Variants in SPOCK1 observed in about 807,000 individuals in gnomAD.
The protein encoded by SPOCK1 is testican-1.
In SPOCK1, 23 loss-of-function variants were observed where a neutral mutation model predicts 55.3. That is an observed-to-expected ratio of 0.42 (90% CI 0.30 to 0.59). The LOEUF (loss-of-function observed/expected upper bound fraction) is 0.59. Ranked by LOEUF, SPOCK1 falls within the 20% of genes least tolerant of loss-of-function variation. The pLI, the probability that SPOCK1 is intolerant of heterozygous loss-of-function variation, is 0.22. For synonymous variants in SPOCK1, 226 were observed against 221.0 expected (o/e 1.02, Z -0.20); for missense variants, 499 against 552.5 (o/e 0.90, Z 0.97).
chr5:137,380,048 T>C (rs1177891710), intron 2 of SPOCK1, among the ~76,000 whole-genome samples: 3 of 152,186 alleles, frequency 2.0e-5, no homozygotes, highest in Admixed American at 6.5e-5. Context: ...CCCTCTAAGA[T>C]ATTCATACAG....
intron 3 of SPOCK1, among the ~76,000 whole-genome samples, chr5:137,258,958 T>A (rs999272497): frequency 2.0e-5 from 3 of 152,168 alleles, no homozygotes; most frequent in South Asian, 2.1e-4. Flanking sequence ...GAACACAAAC[T>A]CATAGCCGAC....
At chr5:137,135,919 T>C (rs1753975121) in intron 4 of SPOCK1, among the ~76,000 whole-genome samples, 1 of 152,254 alleles carries the variant, frequency 6.6e-6, no homozygotes, top group Admixed American at 6.5e-5. Context: ...TTCACAGTTT[T>C]TATCCATCAC....
chr5:137,030,368 G>C (rs1346903048), intron 6 of SPOCK1, among the ~76,000 whole-genome samples: 1 of 152,244 alleles, frequency 6.6e-6, no homozygotes, highest in Admixed American at 6.5e-5. Context: ...TGAACCATTA[G>C]TGACTACGCC....
intron 2 of SPOCK1, among the ~76,000 whole-genome samples, chr5:137,487,349 A>AAC (rs1457251755): frequency 6.6e-6 from 1 of 151,722 alleles, no homozygotes; most frequent in African/African-American, 2.4e-5. Flanking sequence ...AAAAAAAAAA[A>AAC]AAAAACCTCT....
At chr5:136,987,436 A>C (rs1430485560) in intron 8 of SPOCK1, among the ~76,000 whole-genome samples, 2 of 152,222 alleles carry the variant, frequency 1.3e-5, no homozygotes, top group African/African-American at 4.8e-5. Flanking sequence ...TAAATCAAGA[A>C]GCTTGGTAAC....
At chr5:136,993,177 A>C (rs918937795) in intron 6 of SPOCK1, 6 of 152,236 alleles carry the variant, frequency 3.9e-5, no homozygotes, top group African/African-American at 1.4e-4. Context: ...CTTCTCCATG[A>C]AACAGTCCTT....
At chr5:137,396,866 G>C (rs1171607873) in intron 2 of SPOCK1, among the ~76,000 whole-genome samples, 1 of 152,190 alleles carries the variant, frequency 6.6e-6, no homozygotes. Flanking sequence ...ACCCAAGAGA[G>C]GGTGTCTCAG....
chr5:137,417,045 A>G (rs1752349459), intron 2 of SPOCK1, among the ~76,000 whole-genome samples: 1 of 152,148 alleles, frequency 6.6e-6, no homozygotes, highest in Admixed American at 6.5e-5. Flanking sequence ...TCATACATAT[A>G]CATATCCACA....
chr5:137,269,606 G>A (rs1756921026), intron 2 of SPOCK1, among the ~76,000 whole-genome samples: 1 of 152,150 alleles, frequency 6.6e-6, no homozygotes, highest in African/African-American at 2.4e-5. Flanking sequence ...TAGGTTCAAG[G>A]GCTTCCACAC....
intron 2 of SPOCK1, among the ~76,000 whole-genome samples, chr5:137,294,554 G>A (rs1010844690): frequency 6.6e-6 from 1 of 152,174 alleles, no homozygotes; most frequent in African/African-American, 2.4e-5. Context: ...AAAGGCCAAG[G>A]CCGTGGAAGT....
intron 2 of SPOCK1, among the ~76,000 whole-genome samples, chr5:137,302,394 C>G (rs1342973322): frequency 1.5e-5 from 2 of 134,306 alleles, no homozygotes; most frequent in Admixed American, 1.6e-4. Context: ...ACAGTGAAAC[C>G]CCGTCTCTAC....
intron 2 of SPOCK1, among the ~76,000 whole-genome samples, chr5:137,495,871 T>C (rs1754289231): frequency 6.6e-6 from 1 of 152,244 alleles, no homozygotes; most frequent in African/African-American, 2.4e-5. Context: ...CCACTGTTAG[T>C]GTCAGGTGAC....
intron 3 of SPOCK1, among the ~76,000 whole-genome samples, chr5:137,153,049 C>G (rs1252585675): frequency 6.6e-6 from 1 of 152,216 alleles, no homozygotes; most frequent in Non-Finnish European, 1.5e-5. Flanking sequence ...CACATGCCAC[C>G]TCTCACCCAA....
At chr5:137,160,639 T>TATATAAC (rs1561631881) in intron 3 of SPOCK1, among the ~76,000 whole-genome samples, 23 of 85,532 alleles carry the variant, frequency 2.7e-4, no homozygotes, top group Middle Eastern at 5.0e-3. Context: ...TAATATATAA[T>TATATAAC]ATATATTTTA....
chr5:137,420,281 G>A (rs1752457611), intron 2 of SPOCK1, among the ~76,000 whole-genome samples: 1 of 152,280 alleles, frequency 6.6e-6, no homozygotes, highest in Middle Eastern at 3.4e-3. Flanking sequence ...TCTCTGCCAG[G>A]CTTTGGTATC....
intron 5 of SPOCK1, among the ~76,000 whole-genome samples, chr5:137,107,119 T>C (rs1753385901): frequency 6.6e-6 from 1 of 152,182 alleles, no homozygotes; most frequent in Admixed American, 6.5e-5. Context: ...TTCCCAAATG[T>C]CCCTTATCTA....
Position 137,243,476 on chromosome 5 carries a change from G to A in SPOCK1, c.232+23534C>T, listed in dbSNP as rs192462970. Among the ~76,000 whole-genome samples, 157 of 152,202 alleles carry A rather than the reference G, an allele frequency of 1.0e-3. 1 individual carries two copies. In the Middle Eastern group the frequency reaches 0.017, roughly 16 times the overall value. ...GAAAAAAAGGTGAGTATTTAAATGG[G>A]AACTGCTGTATTCACATATGGGTAC... is the stretch of plus-strand genomic sequence containing the variant. On this transcript the variant is annotated intron_variant, in intron 3 of 10. Transcript: ENST00000394945.
At chr5:137,150,287 C>T (rs1351091607) in intron 3 of SPOCK1, among the ~76,000 whole-genome samples, 1 of 152,174 alleles carries the variant, frequency 6.6e-6, no homozygotes, top group East Asian at 1.9e-4. Context: ...AAACAAGTAG[C>T]TCATGCCTCT....
intron 4 of SPOCK1, among the ~76,000 whole-genome samples, chr5:137,133,889 G>A (rs1031355638): frequency 2.7e-5 from 4 of 145,544 alleles, no homozygotes; most frequent in African/African-American, 7.5e-5. Context: ...GAGGGGCAAG[G>A]ATTAGGAGAA....
Sources: gnomAD v4.1 joint callset for allele counts (sites outside exome capture counted in the v4.1 genomes callset) on GRCh38, gnomAD v4.1.1 for gene constraint, MANE v1.5 for transcripts, NCBI Gene and HGNC (gene_info 2026-07-23, HGNC 2026-07-21) for gene names.